The following GRIPAP1 variants were observed in gnomAD, a reference collection of about 807,000 sequenced individuals.
The protein encoded by GRIPAP1 is GRIP1-associated protein 1.
A neutral mutation model predicts 84.1 loss-of-function variants in GRIPAP1; 14 were observed. That is an observed-to-expected ratio of 0.17 (90% CI 0.11 to 0.26). The LOEUF (loss-of-function observed/expected upper bound fraction) is 0.26. GRIPAP1 is among the 10% of genes least tolerant of loss of function. GRIPAP1 has a pLI of 1.00. For missense variants in GRIPAP1, 518 were observed against 674.2 expected (o/e 0.77, Z 2.57); for synonymous variants, 261 against 256.8 (o/e 1.02, Z -0.15).
chrX:48,995,766 T>G, intron 5 of GRIPAP1, among the ~76,000 whole-genome samples: 1 of 109,899 alleles, frequency 9.1e-6, no homozygotes, highest in Admixed American at 9.8e-5. Flanking sequence ...CGGCTAATTT[T>G]TTGTATTTTT....
At chrX:48,979,418 A>T (rs2064441492) in intron 21 of GRIPAP1, among the ~76,000 whole-genome samples, 1 of 80,237 alleles carries the variant, frequency 1.2e-5, no homozygotes, top group South Asian at 1.0e-3. Flanking sequence ...CGGAGGTTGC[A>T]GTGAGCCGAG....
At position 48,974,299 on chromosome X, in the gene GRIPAP1, G is replaced by A. The variant is rs193044582; in HGVS notation, c.2434-14C>T. On this transcript the variant is annotated splice_polypyrimidine_tract_variant and intron_variant, in intron 25 of 25. Transcript: ENST00000376423. ...AACTTCCATATCCTAAGAAACAAATGAACCATCAGGGGCCAGAGAAGGGGA... is the reference window on the plus strand; with the variant it reads ...AACTTCCATATCCTAAGAAACAAATAAACCATCAGGGGCCAGAGAAGGGGA... The A allele has an allele frequency of 6.1e-5, 68 of 1,118,246 alleles. No individual in the cohort carries two copies. The East Asian group carries it at 2.0e-3, about 34-fold the overall frequency. The allele number at this position is 1,118,246 out of a possible 1,213,427, so 92.2% of individuals were successfully genotyped here.
intron 4 of GRIPAP1, 37 bp downstream of exon 4, chrX:48,998,117 T>C (rs2064557515): frequency 9.1e-7 from 1 of 1,093,779 alleles, no homozygotes; most frequent in South Asian, 1.8e-5. Flanking sequence ...CACCAAGACA[T>C]CTCCCAGTCA....
At chrX:48,981,946 C>T in intron 17 of GRIPAP1, 74 bp from the exon 18 acceptor site, 2 of 705,082 alleles carry the variant, frequency 2.8e-6, no homozygotes, top group Non-Finnish European at 4.3e-6. Flanking sequence ...TGAGGGACTG[C>T]AATGGGGGCC....
At chrX:48,996,650 A>G (rs1158057066) in intron 5 of GRIPAP1, among the ~76,000 whole-genome samples, 1 of 112,003 alleles carries the variant, frequency 8.9e-6, no homozygotes, top group Non-Finnish European at 1.9e-5. Flanking sequence ...TCTCAAAAAA[A>G]TTTGCTGCCA....
Position 48,983,311 on chromosome X carries a change from G to T in GRIPAP1, c.1402C>A (p.Arg468Ser). Reference protein sequence around the residue: ...HEKEVLGVRARYERELRELHE... With the variant: ...HEKEVLGVRASYERELRELHE... ...AGCTCTCGGAGCTCACGCTCATAGC[G>T]GGCACGCACCCCCAGCACCTCCTTC... is the stretch of plus-strand genomic sequence containing the variant. The change falls in exon 16 of 26, where the codon CGC (arginine) becomes AGC (serine). Residue 468 changes from arginine to serine, a missense_variant. By Grantham distance (110) the Arg-to-Ser change is moderately radical. Around this residue, in one of 5 missense-constraint regions of GRIPAP1, gnomAD observed 372 missense variants for 458.1 expected, o/e 0.81. Coordinates refer to ENST00000376423, the MANE Select transcript of GRIPAP1 (RefSeq NM_020137.5). 1 of 1,211,903 alleles carries T rather than the reference G, an allele frequency of 8.3e-7. No homozygotes were observed.
intron 5 of GRIPAP1, among the ~76,000 whole-genome samples, chrX:48,996,334 G>A (rs1000721860): frequency 1.3e-4 from 14 of 111,986 alleles, no homozygotes; most frequent in Non-Finnish European, 2.1e-4. Context: ...GGCCGGGCGC[G>A]GTGGCTCACG....
intron 5 of GRIPAP1, among the ~76,000 whole-genome samples, chrX:48,995,743 G>A (rs28523670): frequency 0.038 from 4,148 of 109,936 alleles, 201 homozygotes; most frequent in African/African-American, 0.13. Context: ...CTACAGGCAC[G>A]TGCCACCACA....
At chrX:48,990,123 G>T in intron 8 of GRIPAP1, 120 bp from the exon 9 acceptor site, 1 of 579,474 alleles carries the variant, frequency 1.7e-6, no homozygotes, top group Non-Finnish European at 2.7e-6. Context: ...TACTTATGTT[G>T]TCTTGTGGAA....
chrX:48,981,404 G>A lies in GRIPAP1; in HGVS notation c.1830+12C>T, dbSNP rs1557062117. On this transcript the variant is annotated intron_variant, in intron 20 of 25. Coordinates refer to ENST00000376423, the MANE Select transcript of GRIPAP1 (RefSeq NM_020137.5). ...TAGGAGGGAGCCGTGCTTGGGCACC[G>A]CTCTGTCTTACCGCAGCACTGCCCT... The A allele has an allele frequency of 7.5e-6, 9 of 1,207,992 alleles. No homozygotes were observed. In the East Asian group the frequency reaches 1.2e-4, roughly 16 times the overall value.
In GRIPAP1 at chrX:48,999,227, G is replaced by A; in HGVS notation, c.171+11C>T. The A allele has an allele frequency of 8.4e-7, 1 of 1,187,927 alleles. No individual in the cohort carries two copies. The highest frequency in any genetic ancestry group is 1.1e-6 in the Non-Finnish European group (1 of 874,364). On this transcript the variant is annotated intron_variant, in intron 3 of 25. Coordinates refer to ENST00000376423, the MANE Select transcript of GRIPAP1 (RefSeq NM_020137.5). The stretch of plus-strand genomic sequence containing the variant: ...GGATGGGTAGGTGGATGGGTGGGTG[G>A]AGGGAGGTACCTTCTGAGCTTTGCT...
chrX:48,987,954 GACACACACACACACACACAC>G (rs781921365), intron 12 of GRIPAP1, 77 bp from the exon 13 acceptor site: 1,244 of 357,956 alleles, frequency 3.5e-3, no homozygotes, highest in Non-Finnish European at 5.0e-3. Context: ...AGAAAGAAAG[GACACACACACACACACACAC>G]ACACACACAC....
At chrX:48,978,955 T>C (rs1243460311) in intron 21 of GRIPAP1, among the ~76,000 whole-genome samples, 1 of 100,770 alleles carries the variant, frequency 9.9e-6, no homozygotes. Flanking sequence ...GAGAAACACA[T>C]ACAAAATGAG....
chrX:48,991,438 C>T (rs1161780796), intron 6 of GRIPAP1: 1 of 205,993 alleles, frequency 4.9e-6, no homozygotes, highest in African/African-American at 3.0e-5. Flanking sequence ...TGCCATCATG[C>T]CGGGCTAATT....
chrX:48,994,114 T>C (rs782460868), intron 5 of GRIPAP1, among the ~76,000 whole-genome samples: 1 of 111,450 alleles, frequency 9.0e-6, no homozygotes, highest in East Asian at 2.8e-4. Flanking sequence ...CTGGCTGAAG[T>C]ACACTTCTCA....
At chrX:49,001,503 G>A (rs1237365696) in intron 1 of GRIPAP1, among the ~76,000 whole-genome samples, 1 of 110,334 alleles carries the variant, frequency 9.1e-6, no homozygotes. Flanking sequence ...GTAGTCCAAG[G>A]TATCAATCTT....
rs782765531 is a variant in GRIPAP1 at position 48,997,275 on chromosome X, C to T, written c.281G>A (p.Ser94Asn). 1 of 1,170,096 alleles carries T rather than the reference C, an allele frequency of 8.5e-7. No homozygotes were observed. Reference sequence around the variant, plus strand: ...CTTGCTGAACTCGGCCATTAGTGTGCTGTTCTGCAAACGGAAGTCCTCCTC... The same window carrying T: ...CTTGCTGAACTCGGCCATTAGTGTGTTGTTCTGCAAACGGAAGTCCTCCTC... The part of the protein sequence containing the change: ...SQEEDFRLQN[S>N]TLMAEFSKLC... Residue 94 changes from serine (S) to asparagine (N), a missense_variant, in exon 5 of 26, where the codon AGC becomes AAC. Coordinates refer to ENST00000376423, the MANE Select transcript of GRIPAP1 (RefSeq NM_020137.5).
chrX:48,974,061 C>G lies in GRIPAP1; in HGVS notation c.*132G>C. The G allele has an allele frequency of 4.3e-6, 2 of 461,292 alleles. No homozygotes were observed. Among genetic ancestry groups the G allele is most frequent in the Middle Eastern group, 6.1e-4 (1 of 1,643 alleles). 38.0% of individuals were successfully genotyped at this position (461,292 alleles called of 1,213,427 possible). ...GGATCATTAACACTAACCATCAGGCCTCTAGCCCCTTTAATGTCCAGTCTC... is the reference window on the plus strand; with the variant it reads ...GGATCATTAACACTAACCATCAGGCGTCTAGCCCCTTTAATGTCCAGTCTC... On this transcript the variant is annotated 3_prime_UTR_variant, in exon 26 of 26. Transcript: ENST00000376423.
chrX:48,993,708 T>A (rs1428378388), intron 5 of GRIPAP1, 130 bp from the exon 6 acceptor site: 1 of 428,167 alleles, frequency 2.3e-6, no homozygotes, highest in African/African-American at 2.6e-5. Context: ...ATAGGTGCCC[T>A]CCCACTTTAC....
Sources: gnomAD v4.1 joint callset for allele counts (sites outside exome capture counted in the v4.1 genomes callset) on GRCh38, gnomAD v4.1.1 for gene constraint, gnomAD v4.1.1 regional missense constraint, MANE v1.5 for transcripts, NCBI Gene and HGNC (gene_info 2026-07-23, HGNC 2026-07-21) for gene names.